Variants in CA9 observed in about 807,000 individuals in gnomAD.
CA9 encodes carbonic anhydrase 9.
Under a neutral mutation model 51.8 loss-of-function variants are expected in CA9, and 43 were observed. The observed-to-expected ratio is 0.83, with a 90% confidence interval of 0.65 to 1.07. The LOEUF is 1.07. Ranked by LOEUF, CA9 falls within the 50% of genes least tolerant of loss-of-function variation. CA9 has a pLI of 0.00. For synonymous variants in CA9, 253 were observed against 244.2 expected (o/e 1.04, Z -0.34); for missense variants, 574 against 581.4 (o/e 0.99, Z 0.13).
At position 35,681,053 on chromosome 9, in the gene CA9, C is replaced by T. The variant is rs746928828; in HGVS notation, c.*28C>T. 1.9e-6 allele frequency: 3 copies of T among 1,607,594 alleles called. No homozygotes were observed. Among genetic ancestry groups the T allele is most frequent in the Non-Finnish European group, 2.6e-6 (3 of 1,175,914 alleles). ...GCTGGATCTTGGAGAATGTGAGAAGCCAGCCAGAGGCATCTGAGGGGGAGC... is the reference window on the plus strand; with the variant it reads ...GCTGGATCTTGGAGAATGTGAGAAGTCAGCCAGAGGCATCTGAGGGGGAGC... On this transcript the variant is annotated 3_prime_UTR_variant, in exon 11 of 11. Transcript: ENST00000378357.
intron 9 of CA9, 39 bp from the exon 10 acceptor site, chr9:35,680,714 C>T: frequency 6.4e-7 from 1 of 1,573,284 alleles, no homozygotes. Context: ...GCAGACCCCT[C>T]TTCCTTCCCA....
chr9:35,674,124 G>A lies in CA9; in HGVS notation c.165G>A (p.Gly55=), dbSNP rs1245582466. The A allele has an allele frequency of 6.2e-7, 1 of 1,614,156 alleles. No homozygotes were observed. The highest frequency in any genetic ancestry group is 1.7e-5 in the Admixed American group (1 of 60,026). ...EDSPLGGGSS[G]EDDPLGEEDL... ...CCCCCTTGGGAGGAGGCTCTTCTGG[G>A]GAAGATGACCCACTGGGCGAGGAGG... Residue 55 remains glycine, a synonymous_variant, in exon 1 of 11, where the codon GGG becomes GGA. Coordinates refer to ENST00000378357, the MANE Select transcript of CA9 (RefSeq NM_001216.3).
rs1824381374 is a variant in CA9 at position 35,674,595 on chromosome 9, G to C, written c.403+233G>C. 8 of 462,924 alleles carry C rather than the reference G, an allele frequency of 1.7e-5. No homozygotes were observed. In the South Asian group the frequency reaches 3.3e-4, roughly 19 times the overall value. The allele number at this position is 462,924 out of a possible 1,614,324, so 28.7% of individuals were successfully genotyped here. A position where few individuals can be genotyped will look rare whatever the true frequency, so the allele number is the denominator to read the frequency against. On this transcript the variant is annotated intron_variant, in intron 1 of 10. Transcript: ENST00000378357. ...GGAGAGAGGTGAGCTGGATGAGATG[G>C]GAGAGAAGGGGGAGGCTGGAGAAGA...
rs895882764 is a variant in CA9, at chr9:35,679,167, C to T, written c.908-18C>T. The T allele has an allele frequency of 2.5e-6, 4 of 1,613,848 alleles. No individual in the cohort carries two copies. The highest frequency in any genetic ancestry group is 1.3e-5 in the African/African-American group (1 of 74,910). On this transcript the variant is annotated intron_variant, in intron 6 of 10. Transcript: ENST00000378357. The stretch of plus-strand genomic sequence containing the variant: ...GGGTGCAATGTAGATGAGACCCCAA[C>T]ATAGATCCTCTTCACAGGCTCAGAG...
In CA9 at chr9:35,676,531, T is replaced by G. The variant is rs889247632; in HGVS notation, c.840+142T>G. ...ACTCATTCACGCACTGTTTGTTCATTTAACACCCACTGTGAACCAGGCACC... is the reference window on the plus strand; with the variant it reads ...ACTCATTCACGCACTGTTTGTTCATGTAACACCCACTGTGAACCAGGCACC... On this transcript the variant is annotated intron_variant, in intron 5 of 10. Transcript: ENST00000378357. 7 of 682,668 alleles carry G rather than the reference T, an allele frequency of 1.0e-5. No individual in the cohort carries two copies. The African/African-American group carries it at 1.1e-4, about 11-fold the overall frequency. The allele number at this position is 682,668 out of a possible 1,614,324, so 42.3% of individuals were successfully genotyped here.
intron 5 of CA9, among the ~76,000 whole-genome samples, chr9:35,677,517 G>A (rs1824447815): frequency 6.6e-6 from 1 of 151,752 alleles, no homozygotes; most frequent in African/African-American, 2.4e-5. Context: ...TCTCCAGCTT[G>A]TCATTGAAAA....
intron 6 of CA9, among the ~76,000 whole-genome samples, chr9:35,678,750 G>A (rs933584151): frequency 7.1e-6 from 1 of 141,128 alleles, no homozygotes; most frequent in Non-Finnish European, 1.5e-5. Flanking sequence ...CACCATATTG[G>A]CCAGGCTGCT....
chr9:35,675,511 A>G, intron 1 of CA9, 27 bp from the exon 2 acceptor site: 1 of 1,613,864 alleles, frequency 6.2e-7, no homozygotes, highest in Non-Finnish European at 8.5e-7. Context: ...TCTAAGCTTG[A>G]GCGGTTCATC....
rs945461951 is a variant in CA9, at chr9:35,674,302, A to C, written c.343A>C (p.Thr115Pro). The C allele has an allele frequency of 6.2e-7, 1 of 1,614,184 alleles. No individual in the cohort carries two copies. The highest frequency in any genetic ancestry group is 8.5e-7 in the Non-Finnish European group (1 of 1,180,010). Residue 115 changes from threonine (T) to proline (P), a missense_variant, in exon 1 of 11, where the codon ACT becomes CCT. Coordinates refer to ENST00000378357, the MANE Select transcript of CA9 (RefSeq NM_001216.3). ...EGSLKLEDLP[T>P]VEAPGDPQEP... ...CTCCCTGAAGTTAGAGGATCTACCT[A>C]CTGTTGAGGCTCCTGGAGATCCTCA...
chr9:35,679,231 C>T lies in CA9; in HGVS notation c.954C>T (p.Pro318=). Residue 318 remains proline, a synonymous_variant, in exon 7 of 11, where the codon CCC becomes CCT. Transcript: ENST00000378357. ...VPGLDISALL[P]SDFSRYFQYE... ...GACTGGACATATCTGCACTCCTGCC[C>T]TCTGACTTCAGCCGCTACTTCCAAT... 6.2e-7 allele frequency: 1 copy of T among 1,614,202 alleles called. No homozygotes were observed. The highest frequency in any genetic ancestry group is 2.2e-5 in the East Asian group (1 of 44,884).
chr9:35,677,362 C>A (rs946413382), intron 5 of CA9, among the ~76,000 whole-genome samples: 5 of 152,168 alleles, frequency 3.3e-5, no homozygotes, highest in Non-Finnish European at 7.3e-5. Flanking sequence ...AAGGTGAATG[C>A]AGAGGTGACA....
chr9:35,674,052 T>A lies in CA9; in HGVS notation c.93T>A (p.Leu31=). The A allele has an allele frequency of 6.2e-7, 1 of 1,614,190 alleles. No individual in the cohort carries two copies. The highest frequency in any genetic ancestry group is 1.1e-5 in the South Asian group (1 of 91,078). The change falls in exon 1 of 11, where the codon CTT becomes CTA. Residue 31 remains leucine, a synonymous_variant. Coordinates refer to ENST00000378357, the MANE Select transcript of CA9 (RefSeq NM_001216.3). ...LTVQLLLSLL[L]LVPVHPQRLP... The stretch of plus-strand genomic sequence containing the variant: ...TGCAACTGCTGCTGTCACTGCTGCT[T>A]CTGGTGCCTGTCCATCCCCAGAGGT...
chr9:35,675,222 G>C (rs2131834707), intron 1 of CA9: 1 of 397,670 alleles, frequency 2.5e-6, no homozygotes, highest in Non-Finnish European at 4.6e-6. Flanking sequence ...TCGAACTCCT[G>C]ATCTCAGGTG....
At chr9:35,680,591 G>A (rs1187515291) in intron 9 of CA9, 162 bp from the exon 10 acceptor site, 1 of 630,974 alleles carries the variant, frequency 1.6e-6, no homozygotes, top group African/African-American at 1.8e-5. Context: ...CCCTTCTCGT[G>A]TATCCACCCT....
chr9:35,678,802 A>G (rs1587946442), intron 6 of CA9, among the ~76,000 whole-genome samples: 2 of 150,310 alleles, frequency 1.3e-5, no homozygotes, highest in African/African-American at 4.9e-5. Flanking sequence ...TCGGCCTCCC[A>G]AAGTGCTGGG....
In CA9 at chr9:35,673,975, C is replaced by T; in HGVS notation, c.16C>T (p.Pro6Ser). 3 of 1,605,110 alleles carry T rather than the reference C, an allele frequency of 1.9e-6. No homozygotes were observed. The highest frequency in any genetic ancestry group is 2.6e-6 in the Non-Finnish European group (3 of 1,175,142). Residue 6 changes from proline (P) to serine (S), a missense_variant, in exon 1 of 11, where the codon CCC (proline) becomes TCC (serine). Transcript: ENST00000378357. ...AGTCAGCCGCATGGCTCCCCTGTGC[C>T]CCAGCCCCTGGCTCCCTCTGTTGAT... MAPLC[P>S]SPWLPLLIPA...
chr9:35,675,795 C>A lies in CA9; in HGVS notation c.468C>A (p.Cys156Ter). The A allele has an allele frequency of 6.2e-7, 1 of 1,603,006 alleles. No individual in the cohort carries two copies. Among genetic ancestry groups the A allele is most frequent in the South Asian group, 1.1e-5 (1 of 90,872 alleles). Residue 156 changes from cysteine (C) to a stop codon, truncating the protein, a stop_gained, in exon 3 of 11, where the codon TGC (cysteine) becomes TGA (stop). Coordinates refer to ENST00000378357, the MANE Select transcript of CA9 (RefSeq NM_001216.3). LOFTEE classifies it high-confidence loss of function. ...CCTGGCCCCGGGTGTCCCCAGCCTG[C>A]GCGGGCCGCTTCCAGTCCCCGGTGG... Reference protein sequence around the residue: ...DPPWPRVSPACAGRFQSPVDI... With the variant: ...DPPWPRVSPA
chr9:35,674,059 C>T lies in CA9; in HGVS notation c.100C>T (p.Pro34Ser). ...GCTGCTGTCACTGCTGCTTCTGGTG[C>T]CTGTCCATCCCCAGAGGTTGCCCCG... is the stretch of plus-strand genomic sequence containing the variant. Reference protein sequence around the residue: ...QLLLSLLLLVPVHPQRLPRMQ... With the variant: ...QLLLSLLLLVSVHPQRLPRMQ... The change falls in exon 1 of 11, where the codon CCT becomes TCT. Residue 34 changes from proline (P) to serine (S), a missense_variant. By Grantham distance (74) the Pro-to-Ser change is moderately conservative. Coordinates refer to ENST00000378357, the MANE Select transcript of CA9 (RefSeq NM_001216.3). The T allele has an allele frequency of 6.2e-7, 1 of 1,614,194 alleles. No homozygotes were observed.
At chr9:35,675,634 G>A in intron 2 of CA9, 67 bp downstream of exon 2, 1 of 1,596,100 alleles carries the variant, frequency 6.3e-7, no homozygotes, top group Middle Eastern at 2.0e-4. Flanking sequence ...CCCTACAGCC[G>A]TCCCTGAACA....
Sources: gnomAD v4.1 joint callset for allele counts (sites outside exome capture counted in the v4.1 genomes callset) on GRCh38, gnomAD v4.1.1 for gene constraint, MANE v1.5 for transcripts, NCBI Gene and HGNC (gene_info 2026-07-23, HGNC 2026-07-21) for gene names.